The following SYT14 variants were observed in gnomAD, a reference collection of about 807,000 sequenced individuals.
SYT14 encodes synaptotagmin 14.
In SYT14, 32 loss-of-function variants were observed where a neutral mutation model predicts 74.2. That is an observed-to-expected ratio of 0.43 (90% CI 0.33 to 0.58). The LOEUF is 0.58. Among genes scored for constraint, SYT14 ranks in the 20% least tolerant of loss-of-function variants. The pLI is 0.05. For missense variants in SYT14, 791 were observed against 981.8 expected (o/e 0.81, Z 2.60); for synonymous variants, 298 against 337.7 (o/e 0.88, Z 1.29).
chr1:210,035,154 A>T (rs956964110), intron 5 of SYT14, among the ~76,000 whole-genome samples: 12 of 151,706 alleles, frequency 7.9e-5, no homozygotes, highest in African/African-American at 2.7e-4. Context: ...TTGACTTAAT[A>T]ATAGTCATTC....
intron 7 of SYT14, among the ~76,000 whole-genome samples, chr1:210,128,925 G>GT (rs1572350112): frequency 2.0e-5 from 3 of 152,026 alleles, no homozygotes; most frequent in South Asian, 2.1e-4. Context: ...ATTTTGGTCT[G>GT]TTTTTTTGTG....
exon 10 of SYT14, chr1:210,163,759 C>A (rs1181295896): frequency 2.2e-6 from 1 of 453,652 alleles, no homozygotes; most frequent in South Asian, 1.6e-5. Flanking sequence ...CTCAGGGGAC[C>A]CACTTCACTC....
At chr1:210,105,081 G>C (rs2082135116) in intron 7 of SYT14, among the ~76,000 whole-genome samples, 1 of 152,018 alleles carries the variant, frequency 6.6e-6, no homozygotes, top group African/African-American at 2.4e-5. Context: ...CATCACATAG[G>C]AACTTGATAG....
chr1:210,139,524 A>G (rs2082872310), intron 7 of SYT14, among the ~76,000 whole-genome samples: 1 of 151,934 alleles, frequency 6.6e-6, no homozygotes, highest in African/African-American at 2.4e-5. Flanking sequence ...CATAAAATTC[A>G]CCCTTTTATA....
At chr1:210,095,036 C>T (rs938629289) in intron 6 of SYT14, among the ~76,000 whole-genome samples, 1 of 152,044 alleles carries the variant, frequency 6.6e-6, no homozygotes, top group Non-Finnish European at 1.5e-5. Flanking sequence ...TGATGATCAG[C>T]TTTACTAATG....
At chr1:210,092,644 G>C (rs191711005) in intron 5 of SYT14, among the ~76,000 whole-genome samples, 12 of 152,274 alleles carry the variant, frequency 7.9e-5, no homozygotes, top group Admixed American at 7.9e-4. Context: ...CTTGCAACAT[G>C]TCTAATCTGT....
At chr1:210,162,273 C>T (rs1227894865) in exon 10 of SYT14, 1 of 438,086 alleles carries the variant, frequency 2.3e-6, no homozygotes. Context: ...ACAGCTTGAA[C>T]GTTGTATTTG....
chr1:210,070,982 A>G (rs2102443996), intron 5 of SYT14, among the ~76,000 whole-genome samples: 2 of 150,802 alleles, frequency 1.3e-5, no homozygotes, highest in South Asian at 2.1e-4. Flanking sequence ...AACAGACTAA[A>G]CATTCACTGT....
intron 5 of SYT14, among the ~76,000 whole-genome samples, chr1:210,084,695 T>C (rs1160194974): frequency 5.3e-5 from 8 of 152,216 alleles, no homozygotes; most frequent in South Asian, 4.1e-4. Flanking sequence ...TTTTATTCTT[T>C]CTGGATAAAT....
chr1:210,040,334 CAG>C (rs1333917127), intron 5 of SYT14, among the ~76,000 whole-genome samples: 1 of 151,848 alleles, frequency 6.6e-6, no homozygotes, highest in East Asian at 1.9e-4. Flanking sequence ...CACATGGACA[CAG>C]GGAGGGGAAC....
chr1:209,985,933 C>T (rs7513171), intron 2 of SYT14, among the ~76,000 whole-genome samples: 69,267 of 151,994 alleles, frequency 0.46, 17,078 homozygotes, highest in Non-Finnish European at 0.56. Flanking sequence ...TTTCCCAAGG[C>T]TGTGCAGGGC....
intron 5 of SYT14, among the ~76,000 whole-genome samples, chr1:210,038,567 A>G (rs189000): frequency 0.57 from 86,799 of 151,902 alleles, 26,970 homozygotes; most frequent in African/African-American, 0.82. Flanking sequence ...TCAATCTTTC[A>G]TTTCCATGTT....
At chr1:209,964,297 G>A (rs188022324) in intron 2 of SYT14, among the ~76,000 whole-genome samples, 6 of 152,276 alleles carry the variant, frequency 3.9e-5, no homozygotes, top group Non-Finnish European at 7.4e-5. Flanking sequence ...CTTCCCAGCC[G>A]TGTAGAACTG....
intron 7 of SYT14, among the ~76,000 whole-genome samples, chr1:210,110,597 C>T (rs2082243236): frequency 6.6e-6 from 1 of 152,102 alleles, no homozygotes; most frequent in African/African-American, 2.4e-5. Flanking sequence ...GATTAAAGTT[C>T]TAGAAGAGTT....
At chr1:210,164,031 A>G (rs1480571095) in exon 10 of SYT14, 7 of 453,460 alleles carry the variant, frequency 1.5e-5, no homozygotes, top group Non-Finnish European at 1.8e-5. Flanking sequence ...ACCTGGAATT[A>G]TGGGGTTTAT....
exon 10 of SYT14, chr1:210,160,906 T>A: frequency 6.2e-7 from 1 of 1,613,916 alleles, no homozygotes; most frequent in Non-Finnish European, 8.5e-7. Context: ...AAACGCAGCA[T>A]GAAAAGAAAA....
chr1:209,976,724 T>G (rs1459604453), intron 2 of SYT14, among the ~76,000 whole-genome samples: 1 of 152,226 alleles, frequency 6.6e-6, no homozygotes, highest in African/African-American at 2.4e-5. Flanking sequence ...TTAGGTCCAC[T>G]TGGTGCAGAG....
chr1:210,128,486 C>G (rs192433324), intron 7 of SYT14, among the ~76,000 whole-genome samples: 1 of 151,922 alleles, frequency 6.6e-6, no homozygotes, highest in Admixed American at 6.6e-5. Context: ...TTTATTTTTC[C>G]TTTCATCTTC....
At chr1:209,953,770 A>G (rs1333444836) in intron 2 of SYT14, among the ~76,000 whole-genome samples, 3 of 152,224 alleles carry the variant, frequency 2.0e-5, no homozygotes, top group East Asian at 1.9e-4. Context: ...ATTGCTGTTC[A>G]TTTAAAATCT....
Sources: allele counts gnomAD v4.1 joint callset (sites outside exome capture counted in the v4.1 genomes callset), GRCh38; gene constraint gnomAD v4.1.1; transcripts MANE v1.5; gene names NCBI Gene and HGNC (gene_info 2026-07-23, HGNC 2026-07-21).